The following ECHDC1 variants were observed in gnomAD, a reference collection of about 807,000 sequenced individuals.
The protein encoded by ECHDC1 is ethylmalonyl-CoA decarboxylase.
Under a neutral mutation model 29.7 loss-of-function variants are expected in ECHDC1, and 29 were observed. The ratio of observed to expected loss-of-function variants is 0.98; its 90% CI spans 0.73 to 1.33. The LOEUF is 1.33. Among genes scored for constraint, ECHDC1 ranks in the 40% most tolerant of loss-of-function variants. The pLI, the probability that ECHDC1 is intolerant of heterozygous loss-of-function variation, is 0.00. For synonymous variants in ECHDC1, 126 were observed against 123.1 expected, an observed-to-expected ratio of 1.02 and a Z score of -0.15; for missense variants, 328 against 350.0, an observed-to-expected ratio of 0.94 and a Z score of 0.50.
chr6:127,323,751 A>G (rs1208938187), intron 3 of ECHDC1, among the ~76,000 whole-genome samples: 1 of 152,158 alleles, frequency 6.6e-6, no homozygotes, highest in African/African-American at 2.4e-5. Flanking sequence ...CTTATGGAAT[A>G]TCATGAAAAC....
At chr6:127,326,186 G>A (rs111791159) in intron 3 of ECHDC1, among the ~76,000 whole-genome samples, 78 of 152,192 alleles carry the variant, frequency 5.1e-4, no homozygotes, top group African/African-American at 1.7e-3. Flanking sequence ...CTGGATCATC[G>A]GGGTGGATTT....
chr6:127,341,169 T>G (rs1784909413), intron 1 of ECHDC1, among the ~76,000 whole-genome samples: 1 of 152,178 alleles, frequency 6.6e-6, no homozygotes, highest in Admixed American at 6.5e-5. Flanking sequence ...CCCACTACTG[T>G]CTCTCCTTTT....
chr6:127,311,040 G>C lies in ECHDC1; in HGVS notation c.497+3776C>G, dbSNP rs59717977. ...GCTATTACATACTTAACAGACTATAGTACAGTGTACACATAACTTATATAC... is the reference window on the plus strand; with the variant it reads ...GCTATTACATACTTAACAGACTATACTACAGTGTACACATAACTTATATAC... On this transcript the variant is annotated intron_variant, in intron 5 of 5. Transcript: ENST00000454859. Among the ~76,000 whole-genome samples the C allele has an allele frequency of 3.6e-3, 548 of 152,152 alleles. 5 individuals carry two copies. Among genetic ancestry groups the C allele is most frequent in the African/African-American group, 0.012 (507 of 41,506 alleles).
chr6:127,317,752 C>T (rs1782511963), intron 3 of ECHDC1: 1 of 152,118 alleles, frequency 6.6e-6, no homozygotes, highest in South Asian at 2.1e-4. Flanking sequence ...AGTTAGTTAC[C>T]AAGTACTTCC....
chr6:127,340,291 G>T (rs1331739905), intron 1 of ECHDC1, among the ~76,000 whole-genome samples: 1 of 152,178 alleles, frequency 6.6e-6, no homozygotes, highest in African/African-American at 2.4e-5. Context: ...TTACCCAGTA[G>T]GTATTGAGAT....
intron 1 of ECHDC1, among the ~76,000 whole-genome samples, chr6:127,340,200 A>C (rs1168191754): frequency 6.6e-6 from 1 of 152,232 alleles, no homozygotes; most frequent in African/African-American, 2.4e-5. Context: ...CTATTTGAAC[A>C]GATTTTCTCA....
At chr6:127,342,432 T>C in intron 1 of ECHDC1, 1 of 1,516,640 alleles carries the variant, frequency 6.6e-7, no homozygotes, top group Non-Finnish European at 8.9e-7. Flanking sequence ...TCCCAGCTGA[T>C]TATACAGTCG....
intron 2 of ECHDC1, among the ~76,000 whole-genome samples, 196 bp from the exon 3 acceptor site, chr6:127,327,340 A>G (rs1401810958): frequency 1.3e-5 from 2 of 152,188 alleles, no homozygotes; most frequent in Non-Finnish European, 2.9e-5. Context: ...CCTGCATTGT[A>G]AATGTAAATT....
intron 5 of ECHDC1, among the ~76,000 whole-genome samples, chr6:127,295,188 A>T (rs893906679): frequency 1.3e-5 from 2 of 152,062 alleles, no homozygotes; most frequent in African/African-American, 4.8e-5. Context: ...ACATCAGGTG[A>T]TCCACCCACT....
At chr6:127,336,794 G>A (rs1784460562) in intron 1 of ECHDC1, among the ~76,000 whole-genome samples, 2 of 152,108 alleles carry the variant, frequency 1.3e-5, no homozygotes, top group African/African-American at 4.8e-5. Context: ...AAAGTGTGAA[G>A]TGGTTATGAA....
intron 5 of ECHDC1, among the ~76,000 whole-genome samples, chr6:127,295,599 T>C (rs1224174985): frequency 1.3e-5 from 2 of 152,188 alleles, no homozygotes; most frequent in African/African-American, 4.8e-5. Flanking sequence ...ATAAAAGATA[T>C]CTTAAAAGAT....
chr6:127,298,355 C>G (rs1030992683), intron 5 of ECHDC1, among the ~76,000 whole-genome samples: 5 of 151,834 alleles, frequency 3.3e-5, no homozygotes, highest in Middle Eastern at 3.4e-3. Flanking sequence ...ATGCTAAAAG[C>G]CAAGCAGTCT....
At chr6:127,324,205 A>G (rs1251569827) in intron 3 of ECHDC1, among the ~76,000 whole-genome samples, 1 of 152,194 alleles carries the variant, frequency 6.6e-6, no homozygotes, top group Non-Finnish European at 1.5e-5. Context: ...TATGACTGCT[A>G]AAGGAAAAGT....
At chr6:127,302,468 C>T (rs1239797842) in intron 5 of ECHDC1, among the ~76,000 whole-genome samples, 2 of 151,892 alleles carry the variant, frequency 1.3e-5, no homozygotes, top group African/African-American at 4.8e-5. Context: ...GCCGCCATCT[C>T]AGCTCACTGC....
intron 3 of ECHDC1, among the ~76,000 whole-genome samples, chr6:127,323,606 G>A (rs1783034856): frequency 6.6e-6 from 1 of 152,070 alleles, no homozygotes; most frequent in Non-Finnish European, 1.5e-5. Flanking sequence ...TAAGTGACTT[G>A]CCCAATCACT....
chr6:127,328,884 G>C (rs1015213817), intron 2 of ECHDC1, among the ~76,000 whole-genome samples: 2 of 151,946 alleles, frequency 1.3e-5, no homozygotes, highest in South Asian at 2.1e-4. Flanking sequence ...AAAACTAGCC[G>C]GGCGTGGTGG....
At chr6:127,341,257 C>G (rs2114722277) in intron 1 of ECHDC1, among the ~76,000 whole-genome samples, 1 of 152,296 alleles carries the variant, frequency 6.6e-6, no homozygotes, top group East Asian at 1.9e-4. Flanking sequence ...TCACTGACCC[C>G]AAGTTTAGAA....
intron 1 of ECHDC1, chr6:127,342,778 C>A (rs11968639): frequency 0.014 from 2,425 of 172,266 alleles, 27 homozygotes; most frequent in Middle Eastern, 0.034. Context: ...ACGTGTAATC[C>A]CTGTATGTGT....
At chr6:127,340,936 C>T (rs890613521) in intron 1 of ECHDC1, among the ~76,000 whole-genome samples, 4 of 152,140 alleles carry the variant, frequency 2.6e-5, no homozygotes, top group African/African-American at 9.7e-5. Context: ...CCCCTCTCTC[C>T]AACATCAACA....
Sources: gnomAD v4.1 joint callset for allele counts (sites outside exome capture counted in the v4.1 genomes callset) on GRCh38, gnomAD v4.1.1 for gene constraint, MANE v1.5 for transcripts, NCBI Gene and HGNC (gene_info 2026-07-23, HGNC 2026-07-21) for gene names.